The following HIVEP2 variants were observed in gnomAD, a reference collection of about 807,000 sequenced individuals.
HIVEP2 encodes the protein HIVEP zinc finger 2.
Under a neutral mutation model 180.7 loss-of-function variants are expected in HIVEP2, and 14 were observed. The observed-to-expected ratio is 0.08, with a 90% CI of 0.05 to 0.12. HIVEP2 has a LOEUF of 0.12. Among genes scored for constraint, HIVEP2 ranks in the 10% least tolerant of loss-of-function variants. HIVEP2 has a pLI of 1.00. For synonymous variants in HIVEP2, 1,184 were observed against 1,136.4 expected, an observed-to-expected ratio of 1.04 and a Z score of -0.84; for missense variants, 2,579 against 3,008.5, an observed-to-expected ratio of 0.86 and a Z score of 3.34.
chr6:142,896,496 G>T (rs188835456), intron 1 of HIVEP2, among the ~76,000 whole-genome samples: 8 of 152,254 alleles, frequency 5.3e-5, no homozygotes, highest in African/African-American at 1.9e-4. Context: ...GGCTACTTCT[G>T]TGGAGCCCTC....
In HIVEP2 at chr6:142,843,765, T is replaced by C. The variant is rs111823674; in HGVS notation, c.-640-6718A>G. 4.9e-4 allele frequency among the ~76,000 whole-genome samples: 75 copies of C among 152,354 alleles called. No homozygotes were observed. The Middle Eastern group carries it at 0.014, about 28-fold the overall frequency. Reference sequence around the variant, plus strand: ...AATGGGTAGTTTTGCCTTAGTCTTATGCAAATTTTCTCCATTGGCAGCAGC... The same window carrying C: ...AATGGGTAGTTTTGCCTTAGTCTTACGCAAATTTTCTCCATTGGCAGCAGC... On this transcript the variant is annotated intron_variant, in intron 1 of 9. Transcript: ENST00000367603.
At chr6:142,875,966 A>T (rs1776424211) in intron 1 of HIVEP2, among the ~76,000 whole-genome samples, 4 of 152,184 alleles carry the variant, frequency 2.6e-5, no homozygotes, top group Admixed American at 2.0e-4. Context: ...TATCTGCTAG[A>T]AAGAGAATTT....
intron 1 of HIVEP2, among the ~76,000 whole-genome samples, chr6:142,846,106 C>G (rs558287455): frequency 5.3e-5 from 8 of 152,328 alleles, no homozygotes; most frequent in Admixed American, 4.6e-4. Flanking sequence ...GCCAGAGGCC[C>G]TGGGAGGCTG....
chr6:142,907,672 G>T (rs1189314014), intron 1 of HIVEP2, among the ~76,000 whole-genome samples: 1 of 152,132 alleles, frequency 6.6e-6, no homozygotes, highest in Non-Finnish European at 1.5e-5. Context: ...CTCAAGAAGG[G>T]AGTGAAACCC....
chr6:142,903,976 A>C (rs537342330), intron 1 of HIVEP2, among the ~76,000 whole-genome samples: 4 of 152,296 alleles, frequency 2.6e-5, no homozygotes, highest in Admixed American at 2.6e-4. Flanking sequence ...ATCATTTTGC[A>C]CTATATACAC....
At chr6:142,764,391 A>C (rs1377959545) in intron 7 of HIVEP2, among the ~76,000 whole-genome samples, 1 of 152,216 alleles carries the variant, frequency 6.6e-6, no homozygotes, top group East Asian at 1.9e-4. Flanking sequence ...TCTCTACATT[A>C]TTTATAATCT....
intron 1 of HIVEP2, among the ~76,000 whole-genome samples, chr6:142,888,180 C>T (rs951461514): frequency 6.6e-6 from 1 of 152,114 alleles, no homozygotes; most frequent in African/African-American, 2.4e-5. Flanking sequence ...CCTTTAGTCT[C>T]AGTATTATGA....
chr6:142,936,061 G>A (rs950884019), intron 1 of HIVEP2, among the ~76,000 whole-genome samples: 2 of 151,258 alleles, frequency 1.3e-5, no homozygotes, highest in African/African-American at 4.9e-5. Context: ...GCAGTGAACC[G>A]TGATCGCGCC....
rs951703772 is a variant in HIVEP2, at chr6:142,760,184, G to A, written c.6104C>T (p.Ser2035Phe). ...GCTTGAGGGTGAGAAGTCCCTGGGA[G>A]AGGAGCTTGGCTCTGAAGGTAGCAT... ...ECMLPSEPSS[S>F]PRDFSPSSHH... The change falls in exon 9 of 10, where the codon TCT becomes TTT. Residue 2035 changes from serine to phenylalanine, a missense_variant. Physicochemically the swap from Ser to Phe is radical, Grantham distance 155 (BLOSUM62 -2). Around this residue, in one of 11 missense-constraint regions of HIVEP2, gnomAD observed 660 missense variants for 731.7 expected, o/e 0.90. Coordinates refer to ENST00000367603, the MANE Select transcript of HIVEP2 (RefSeq NM_006734.4). 4.3e-6 allele frequency: 7 copies of A among 1,613,960 alleles called. No individual in the cohort carries two copies. In the Admixed American group the frequency reaches 1.2e-4, roughly 27 times the overall value.
chr6:142,811,001 A>G (rs1292596723), intron 2 of HIVEP2, among the ~76,000 whole-genome samples: 1 of 152,148 alleles, frequency 6.6e-6, no homozygotes, highest in Non-Finnish European at 1.5e-5. Context: ...GTGCCTCCCA[A>G]ACATTAACTA....
intron 2 of HIVEP2, among the ~76,000 whole-genome samples, chr6:142,812,197 A>C (rs13212729): frequency 1.3e-5 from 2 of 152,186 alleles, no homozygotes; most frequent in African/African-American, 4.8e-5. Flanking sequence ...AAATCCAAAG[A>C]GCTGTGAATA....
At chr6:142,850,301 T>C (rs1018068047) in intron 1 of HIVEP2, among the ~76,000 whole-genome samples, 1 of 152,240 alleles carries the variant, frequency 6.6e-6, no homozygotes, top group Non-Finnish European at 1.5e-5. Context: ...AGTGGAGAGA[T>C]AATTATGACT....
intron 1 of HIVEP2, among the ~76,000 whole-genome samples, chr6:142,864,724 C>T (rs546200187): frequency 1.4e-4 from 22 of 152,266 alleles, no homozygotes; most frequent in African/African-American, 5.1e-4. Flanking sequence ...TCATTCTACT[C>T]ATCCTCCAAA....
intron 1 of HIVEP2, among the ~76,000 whole-genome samples, chr6:142,893,832 G>A (rs1401665634): frequency 6.6e-6 from 1 of 151,980 alleles, no homozygotes; most frequent in African/African-American, 2.4e-5. Context: ...TGGTTTATAG[G>A]TAATTCTACA....
chr6:142,854,672 C>T (rs559077482), intron 1 of HIVEP2, among the ~76,000 whole-genome samples: 10 of 152,246 alleles, frequency 6.6e-5, no homozygotes, highest in African/African-American at 2.4e-4. Flanking sequence ...CTGAAATTTT[C>T]CAGGGAAGGC....
At chr6:142,787,065 G>C (rs1339077647) in intron 2 of HIVEP2, among the ~76,000 whole-genome samples, 1 of 152,006 alleles carries the variant, frequency 6.6e-6, no homozygotes, top group Non-Finnish European at 1.5e-5. Flanking sequence ...GTTGAGACCA[G>C]TCTGGGCAAC....
rs1774988930 is a variant in HIVEP2 at position 142,753,682 on chromosome 6, G to T, written c.6766C>A (p.Pro2256Thr). Residue 2256 changes from proline to threonine, a missense_variant, in exon 10 of 10, where the codon CCA becomes ACA. Pro to Thr is a conservative substitution (Grantham distance 38). This residue lies in a region of HIVEP2 where 660 missense variants were observed against 731.7 expected (regional missense o/e 0.90). Transcript: ENST00000367603. ...SLHPSPTLPL[P>T]MEGFEEKKGA... ...TTCTTCTCCTCAAAGCCCTCCATTGGCAGGGGCAATGTGGGTGAAGGATGT... is the reference window on the plus strand; with the variant it reads ...TTCTTCTCCTCAAAGCCCTCCATTGTCAGGGGCAATGTGGGTGAAGGATGT... 1 of 1,614,066 alleles carries T rather than the reference G, an allele frequency of 6.2e-7. No homozygotes were observed. The highest frequency in any genetic ancestry group is 8.5e-7 in the Non-Finnish European group (1 of 1,180,034).
intron 1 of HIVEP2, among the ~76,000 whole-genome samples, chr6:142,884,807 G>T (rs187602852): frequency 2.8e-4 from 42 of 152,246 alleles, no homozygotes; most frequent in African/African-American, 8.4e-4. Flanking sequence ...TTATTCACAC[G>T]TGTGTAAGAA....
intron 1 of HIVEP2, among the ~76,000 whole-genome samples, chr6:142,919,568 A>G (rs1209204656): frequency 6.6e-6 from 1 of 152,210 alleles, no homozygotes; most frequent in East Asian, 1.9e-4. Context: ...ACATGTCACA[A>G]TGCAGTTTAT....
Sources: allele counts gnomAD v4.1 joint callset (sites outside exome capture counted in the v4.1 genomes callset), GRCh38; gene constraint gnomAD v4.1.1; regional missense constraint gnomAD v4.1.1; transcripts MANE v1.5; gene names NCBI Gene and HGNC (gene_info 2026-07-23, HGNC 2026-07-21).